Variants in PAX2 observed in about 807,000 individuals in gnomAD.
PAX2 encodes the protein paired box protein Pax-2.
A neutral mutation model predicts 41.7 loss-of-function variants in PAX2; 9 were observed. The ratio of observed to expected loss-of-function variants is 0.22; its 90% CI spans 0.13 to 0.38. PAX2 has a LOEUF of 0.38. Ranked by LOEUF, PAX2 falls within the 10% of genes least tolerant of loss-of-function variation. The pLI is 1.00. For synonymous variants in PAX2, 221 were observed against 212.7 expected (o/e 1.04, Z -0.34); for missense variants, 418 against 531.6 (o/e 0.79, Z 2.10).
intron 3 of PAX2, among the ~76,000 whole-genome samples, chr10:100,766,330 T>C (rs767920243): frequency 5.3e-5 from 8 of 152,242 alleles, no homozygotes; most frequent in Non-Finnish European, 1.0e-4. Context: ...TACTCTTCCA[T>C]GGTGTGTGTT....
rs1848606319 is a variant in PAX2 at position 100,827,259 on chromosome 10, C to G, written c.1108+164C>G. 6.6e-6 allele frequency among the ~76,000 whole-genome samples: 1 copy of G among 152,170 alleles called. No homozygotes were observed. Among genetic ancestry groups the G allele is most frequent in the Non-Finnish European group, 1.5e-5 (1 of 68,034 alleles). The stretch of plus-strand genomic sequence containing the variant: ...GGACCCCTCGAGGACGCCCGCACCT[C>G]CTGCCCTCCCGTGCCCTCCCTGGTC... On this transcript the variant is annotated intron_variant, in intron 9 of 9. Transcript: ENST00000355243. The surrounding 1 kb of genome is among the most constrained non-coding windows in gnomAD (Gnocchi z 8.5).
upstream of PAX2, among the ~76,000 whole-genome samples, chr10:100,744,273 A>AAGCTTCGCCGAGCCGCCCT (rs1429689091): frequency 1.3e-5 from 2 of 152,212 alleles, no homozygotes; most frequent in African/African-American, 4.8e-5. Flanking sequence ...AGCGCTGCGC[A>AAGCTTCGCCGAGCCGCCCT]AGCTTCGCCG....
chr10:100,800,273 C>CTTTT (rs59487758), intron 5 of PAX2, among the ~76,000 whole-genome samples: 99 of 108,338 alleles, frequency 9.1e-4, no homozygotes, highest in Non-Finnish European at 1.4e-3. Flanking sequence ...TCTTTTCTTT[C>CTTTT]TTTTTTTTTT....
intron 5 of PAX2, among the ~76,000 whole-genome samples, chr10:100,793,906 G>A (rs911744440): frequency 6.6e-6 from 1 of 152,286 alleles, no homozygotes; most frequent in South Asian, 2.1e-4. Flanking sequence ...GCTGGGGAAG[G>A]CAAGGCTGTT....
At position 100,827,613 on chromosome 10, in the gene PAX2, C is replaced by T. The variant is rs1426665783; in HGVS notation, c.1179C>T (p.Arg393=). ...APAAAAAAYD[R]H ...CCGCTGCTGCCGCTGCCTATGACCGCCACTAGTTACCGCGGGGACCACATC... is the reference window on the plus strand; with the variant it reads ...CCGCTGCTGCCGCTGCCTATGACCGTCACTAGTTACCGCGGGGACCACATC... The change falls in exon 10 of 10, where the codon CGC becomes CGT. Residue 393 remains arginine, a synonymous_variant. Coordinates refer to ENST00000355243, the MANE Select transcript of PAX2 (RefSeq NM_000278.5). This position sits in a 1 kb window ranked among gnomAD's most constrained non-coding sequence, Gnocchi z 8.5. 13 of 1,614,052 alleles carry T rather than the reference C, an allele frequency of 8.1e-6. No individual in the cohort carries two copies. The East Asian group carries it at 2.7e-4, about 33-fold the overall frequency.
upstream of PAX2, among the ~76,000 whole-genome samples, chr10:100,743,473 C>T (rs1004833817): frequency 2.0e-5 from 3 of 152,140 alleles, no homozygotes; most frequent in Non-Finnish European, 4.4e-5. Flanking sequence ...TTCACACACC[C>T]CGAGACAAAT....
At chr10:100,756,091 G>A (rs999614194) in intron 3 of PAX2, among the ~76,000 whole-genome samples, 3 of 152,134 alleles carry the variant, frequency 2.0e-5, no homozygotes, top group African/African-American at 7.2e-5. Context: ...TATGCATGAT[G>A]GCATGTGCTT....
At chr10:100,780,390 G>C (rs1419593027) in intron 4 of PAX2, among the ~76,000 whole-genome samples, 1 of 152,184 alleles carries the variant, frequency 6.6e-6, no homozygotes, top group Non-Finnish European at 1.5e-5. Context: ...GGGTTTGAGG[G>C]GCTGGGATGT....
chr10:100,745,298 C>G (rs897895283), upstream of PAX2, among the ~76,000 whole-genome samples: 1 of 152,170 alleles, frequency 6.6e-6, no homozygotes, highest in Non-Finnish European at 1.5e-5. Context: ...CTCCCATTCC[C>G]CCTCCCCCGG....
At chr10:100,788,992 G>C (rs140822656) in intron 5 of PAX2, among the ~76,000 whole-genome samples, 1 of 152,194 alleles carries the variant, frequency 6.6e-6, no homozygotes, top group African/African-American at 2.4e-5. Context: ...AGCTTACATC[G>C]TGGGTAGGGA....
chr10:100,768,320 G>A (rs1846092263), intron 3 of PAX2, among the ~76,000 whole-genome samples: 1 of 152,128 alleles, frequency 6.6e-6, no homozygotes, highest in Non-Finnish European at 1.5e-5. Context: ...CAGAAATTGA[G>A]AAACACATCT....
chr10:100,745,690 T>TG lies in PAX2; in HGVS notation c.-570dup. On this transcript the variant is annotated 5_prime_UTR_variant, in exon 1 of 10. Coordinates refer to ENST00000355243, the MANE Select transcript of PAX2 (RefSeq NM_000278.5). ...TCCCGGCCCTTCGGCCGCGGCGGCG[T>TG]GCGCCTGCCTTTTCCGGGGGCGGGG... 1.0e-6 allele frequency: 1 copy of TG among 963,736 alleles called. No homozygotes were observed. Among genetic ancestry groups the TG allele is most frequent in the Non-Finnish European group, 1.3e-6 (1 of 798,782 alleles). The allele number at this position is 963,736 out of a possible 1,614,324, so 59.7% of individuals were successfully genotyped here.
chr10:100,821,181 G>A (rs891170165), intron 7 of PAX2, among the ~76,000 whole-genome samples: 1 of 152,246 alleles, frequency 6.6e-6, no homozygotes, highest in Admixed American at 6.5e-5. Flanking sequence ...CCTGCAGTAT[G>A]TGTTTTCCAT....
At chr10:100,764,571 C>T (rs1267021809) in intron 3 of PAX2, among the ~76,000 whole-genome samples, 1 of 152,200 alleles carries the variant, frequency 6.6e-6, no homozygotes, top group South Asian at 2.1e-4. Context: ...GGGACCCACT[C>T]AGTGTATTTC....
chr10:100,765,847 CAT>C (rs1378383691), intron 3 of PAX2, among the ~76,000 whole-genome samples: 1 of 152,176 alleles, frequency 6.6e-6, no homozygotes, highest in Non-Finnish European at 1.5e-5. Context: ...CACTAGCACA[CAT>C]GTGTACATGT....
intron 3 of PAX2, among the ~76,000 whole-genome samples, chr10:100,756,281 T>C (rs948888149): frequency 6.6e-6 from 1 of 152,184 alleles, no homozygotes; most frequent in African/African-American, 2.4e-5. Flanking sequence ...AGCCCCATTG[T>C]CCGCTCCCAG....
intron 3 of PAX2, among the ~76,000 whole-genome samples, chr10:100,751,097 A>G (rs1845423538): frequency 6.6e-6 from 1 of 152,136 alleles, no homozygotes; most frequent in African/African-American, 2.4e-5. Flanking sequence ...AGGGCTGGGT[A>G]TTCCCTGCCA....
chr10:100,819,311 G>A (rs1329172056), intron 7 of PAX2, among the ~76,000 whole-genome samples: 5 of 151,846 alleles, frequency 3.3e-5, no homozygotes, highest in Admixed American at 6.6e-5. Context: ...GCTCACGCCT[G>A]TAATCCCAGC....
At position 100,806,564 on chromosome 10, in the gene PAX2, C is replaced by T; in HGVS notation, c.751C>T (p.Pro251Ser). ...TCGGGTCTTTGAGCGTCCTTCCTACCCTGACGTCTTCCAGGCATCAGAGCA... is the reference window on the plus strand; with the variant it reads ...TCGGGTCTTTGAGCGTCCTTCCTACTCTGACGTCTTCCAGGCATCAGAGCA... ...LDRVFERPSY[P>S]DVFQASEHIK... is the part of the protein sequence containing the mutation. The change falls in exon 6 of 10, where the codon CCT becomes TCT. Residue 251 changes from proline to serine, a missense_variant. This residue lies in a region of PAX2 where 310 missense variants were observed against 325.2 expected (regional missense o/e 0.95). Coordinates refer to ENST00000355243, the MANE Select transcript of PAX2 (RefSeq NM_000278.5). 1 of 1,614,194 alleles carries T rather than the reference C, an allele frequency of 6.2e-7. No homozygotes were observed. Among genetic ancestry groups the T allele is most frequent in the Non-Finnish European group, 8.5e-7 (1 of 1,180,046 alleles).
Sources: allele counts gnomAD v4.1 joint callset (sites outside exome capture counted in the v4.1 genomes callset), GRCh38; gene constraint gnomAD v4.1.1; regional missense constraint gnomAD v4.1.1; non-coding constraint Gnocchi (gnomAD v3.1); transcripts MANE v1.5; gene names NCBI Gene and HGNC (gene_info 2026-07-23, HGNC 2026-07-21).